The following SOX6 variants were observed in gnomAD, a reference collection of about 807,000 sequenced individuals.
SOX6 encodes SRY-box transcription factor 6.
SOX6 carries 11 observed loss-of-function variants against 97.8 expected under a neutral mutation model. That is an observed-to-expected ratio of 0.11 (90% CI 0.07 to 0.19). The LOEUF (loss-of-function observed/expected upper bound fraction) is 0.19, where lower values mean the gene tolerates loss of function less well. SOX6 is among the 10% of genes least tolerant of loss of function. The probability of loss-of-function intolerance (pLI) is 1.00; values close to 1 mark genes in which losing one functional copy is unlikely to be tolerated. For missense variants in SOX6, 810 were observed against 1,039.5 expected (o/e 0.78, Z 3.04); for synonymous variants, 360 against 371.4 (o/e 0.97, Z 0.35).
intron 1 of SOX6, among the ~76,000 whole-genome samples, chr11:16,376,363 T>TAG (rs945746272): frequency 4.0e-5 from 6 of 151,528 alleles, no homozygotes; most frequent in African/African-American, 1.5e-4. Context: ...ATAGTGGAAA[T>TAG]AGAGAGAGAG....
intron 2 of SOX6, among the ~76,000 whole-genome samples, chr11:16,717,703 G>C (rs998511774): frequency 2.6e-5 from 4 of 152,096 alleles, no homozygotes; most frequent in African/African-American, 9.7e-5. Context: ...TTTGCAGCTT[G>C]TTTGTAAACA....
rs535489445 is a variant in SOX6, at chr11:16,462,683, C to T, written c.-5+13632G>A. ...GTCACTGCTAAAAGACCAAACCAAG[C>T]CCCTGTGCCTGGCACCTGCCAGGCT... is the stretch of plus-strand genomic sequence containing the variant. On this transcript the variant is annotated intron_variant, in intron 1 of 15. Transcript: ENST00000396356. Among the ~76,000 whole-genome samples the T allele has an allele frequency of 3.3e-5, 5 of 152,322 alleles. No individual in the cohort carries two copies. In the East Asian group the frequency reaches 7.7e-4, roughly 24 times the overall value.
In SOX6 at chr11:16,254,092, G is replaced by GA. The variant is rs150489572; in HGVS notation, c.446-19422dup. 4.8e-3 allele frequency among the ~76,000 whole-genome samples: 698 copies of GA among 145,988 alleles called. 4 individuals are homozygous for GA. The highest frequency in any genetic ancestry group is 0.015 in the African/African-American group (613 of 39,952). ...TATGGAGTGAAATATTTAAAGTGAT[G>GA]AAAAAAAAAACACTTAGCATTTTGT... On this transcript the variant is annotated intron_variant, in intron 3 of 15. Transcript: ENST00000683767.
chr11:16,578,780 T>A (rs536127632), intron 4 of SOX6, among the ~76,000 whole-genome samples: 9 of 152,238 alleles, frequency 5.9e-5, no homozygotes, highest in African/African-American at 2.2e-4. Context: ...CAAGATTGTG[T>A]CCTGAATAAA....
chr11:16,596,036 A>T (rs1037571040), intron 4 of SOX6, among the ~76,000 whole-genome samples: 1 of 152,196 alleles, frequency 6.6e-6, no homozygotes, highest in Non-Finnish European at 1.5e-5. Context: ...CATTGGAAAA[A>T]CTTAATTATA....
At chr11:16,118,054 T>C (rs1412464203) in intron 6 of SOX6, among the ~76,000 whole-genome samples, 4 of 152,202 alleles carry the variant, frequency 2.6e-5, no homozygotes, top group Non-Finnish European at 5.9e-5. Flanking sequence ...AAAACTGATT[T>C]TGCTAGCACA....
intron 12 of SOX6, among the ~76,000 whole-genome samples, chr11:16,024,117 C>G (rs1855148549): frequency 6.6e-6 from 1 of 151,890 alleles, no homozygotes; most frequent in Non-Finnish European, 1.5e-5. Context: ...CATCTGGACA[C>G]AAAAAAGGAC....
At chr11:16,262,998 T>C (rs142773988) in intron 3 of SOX6, among the ~76,000 whole-genome samples, 1 of 152,116 alleles carries the variant, frequency 6.6e-6, no homozygotes, top group East Asian at 1.9e-4. Context: ...TGCCAAGTTA[T>C]CCACCGCCAG....
chr11:16,016,101 C>CT (rs1452332351), intron 12 of SOX6, among the ~76,000 whole-genome samples: 6 of 152,028 alleles, frequency 3.9e-5, no homozygotes, highest in Non-Finnish European at 5.9e-5. Context: ...TGGAAACACT[C>CT]TGAGTGTTCT....
At chr11:16,231,863 GA>G (rs1393197504) in intron 4 of SOX6, among the ~76,000 whole-genome samples, 1 of 151,658 alleles carries the variant, frequency 6.6e-6, no homozygotes, top group Non-Finnish European at 1.5e-5. Flanking sequence ...ATTAAGTGGG[GA>G]AAATAGATTA....
At chr11:16,110,294 A>C (rs535999306) in intron 7 of SOX6, 1 of 152,240 alleles carries the variant, frequency 6.6e-6, no homozygotes, top group East Asian at 1.9e-4. Flanking sequence ...ACTCAAATTC[A>C]GAATAGAACA....
chr11:16,629,137 A>G (rs538315050), intron 3 of SOX6, among the ~76,000 whole-genome samples: 72 of 152,296 alleles, frequency 4.7e-4, no homozygotes, highest in South Asian at 3.7e-3. Flanking sequence ...TGTGTTGAAT[A>G]GGAGTGGTAT....
At chr11:16,253,920 C>A (rs986093870) in intron 3 of SOX6, among the ~76,000 whole-genome samples, 3 of 151,974 alleles carry the variant, frequency 2.0e-5, no homozygotes, top group African/African-American at 7.2e-5. Flanking sequence ...CTAGGCACAT[C>A]ATATTCAAAC....
intron 6 of SOX6, among the ~76,000 whole-genome samples, chr11:16,140,530 A>G (rs1024095828): frequency 3.3e-5 from 5 of 152,232 alleles, no homozygotes; most frequent in African/African-American, 7.2e-5. Context: ...GATAAAATCC[A>G]TATCATTGCA....
chr11:16,591,660 A>G (rs1214492144), intron 4 of SOX6, among the ~76,000 whole-genome samples: 2 of 152,134 alleles, frequency 1.3e-5, no homozygotes, highest in African/African-American at 4.8e-5. Flanking sequence ...GATGTTCCAA[A>G]AAGTTTCAAC....
chr11:16,578,289 C>G (rs1175329764), intron 4 of SOX6, among the ~76,000 whole-genome samples: 1 of 152,114 alleles, frequency 6.6e-6, no homozygotes, highest in African/African-American at 2.4e-5. Flanking sequence ...TGTCTATGAG[C>G]ATAATTTGAA....
rs1848020717 is a variant in SOX6 at position 16,063,569 on chromosome 11, T to C, written c.1102-7668A>G. On this transcript the variant is annotated intron_variant, in intron 9 of 15. Coordinates refer to ENST00000683767, the MANE Select transcript of SOX6 (RefSeq NM_001367873.1). Reference sequence around the variant, plus strand: ...ATATATATATACCTGCTTTCTATGATACAATCATTTAGGATCTCTAATGGA... The same window carrying C: ...ATATATATATACCTGCTTTCTATGACACAATCATTTAGGATCTCTAATGGA... 4.3e-5 allele frequency among the ~76,000 whole-genome samples: 5 copies of C among 115,412 alleles called. No individual in the cohort carries two copies. The South Asian group carries it at 1.5e-3, about 34-fold the overall frequency. 75.7% of individuals were successfully genotyped at this position (115,412 alleles called of 152,430 possible).
At chr11:16,245,560 C>T (rs1412877995) in intron 3 of SOX6, among the ~76,000 whole-genome samples, 1 of 151,518 alleles carries the variant, frequency 6.6e-6, no homozygotes, top group Non-Finnish European at 1.5e-5. Flanking sequence ...GTGGCTGTGT[C>T]TTTTTCTTCT....
intron 1 of SOX6, chr11:16,434,143 C>T (rs1859326407): frequency 6.6e-6 from 1 of 152,078 alleles, no homozygotes; most frequent in African/African-American, 2.4e-5. Context: ...ATTTTACCCA[C>T]AATCATAAAG....
Sources: allele counts gnomAD v4.1 joint callset (sites outside exome capture counted in the v4.1 genomes callset), GRCh38; gene constraint gnomAD v4.1.1; transcripts MANE v1.5; gene names NCBI Gene and HGNC (gene_info 2026-07-23, HGNC 2026-07-21).